The following OSBPL6 variants were observed in gnomAD, a reference collection of about 807,000 sequenced individuals.
OSBPL6 encodes the protein oxysterol binding protein like 6.
OSBPL6 carries 49 observed loss-of-function variants against 125.8 expected under a neutral mutation model. That is an observed-to-expected ratio of 0.39 (90% CI 0.31 to 0.49). OSBPL6 has a LOEUF of 0.49. Among genes scored for constraint, OSBPL6 ranks in the 20% least tolerant of loss-of-function variants. OSBPL6 has a pLI of 0.88. For missense variants in OSBPL6, 986 were observed against 1,135.4 expected, an observed-to-expected ratio of 0.87 and a Z score of 1.89; for synonymous variants, 394 against 391.8, an observed-to-expected ratio of 1.01 and a Z score of -0.07.
chr2:178,225,731 A>T (rs1331700976), intron 1 of OSBPL6, among the ~76,000 whole-genome samples: 1 of 152,224 alleles, frequency 6.6e-6, no homozygotes, highest in Non-Finnish European at 1.5e-5. Flanking sequence ...GCAGGCAAAG[A>T]AAGAGCTTGT....
intron 11 of OSBPL6, among the ~76,000 whole-genome samples, chr2:178,348,994 CTG>C (rs1222323672): frequency 6.6e-6 from 1 of 152,188 alleles, no homozygotes; most frequent in African/African-American, 2.4e-5. Flanking sequence ...TTATTTCTCT[CTG>C]TAGCAGTGAA....
chr2:178,228,331 C>T (rs186505427), intron 1 of OSBPL6, among the ~76,000 whole-genome samples: 43 of 152,244 alleles, frequency 2.8e-4, no homozygotes, highest in East Asian at 7.7e-4. Flanking sequence ...GTCAGGAGAT[C>T]GAGACCATCC....
intron 2 of OSBPL6, among the ~76,000 whole-genome samples, chr2:178,301,266 A>G (rs1254848475): frequency 2.6e-5 from 4 of 152,178 alleles, no homozygotes; most frequent in Admixed American, 6.5e-5. Context: ...CTAAATGTAT[A>G]ACTATTACAG....
chr2:178,387,197 G>A lies in OSBPL6; in HGVS notation c.2156+58G>A, dbSNP rs185431181. 86 of 1,342,720 alleles carry A rather than the reference G, an allele frequency of 6.4e-5. No homozygotes were observed. In the African/African-American group the frequency reaches 1.1e-3, roughly 18 times the overall value. 83.2% of individuals were successfully genotyped at this position (1,342,720 alleles called of 1,614,324 possible). A position where few individuals can be genotyped will look rare whatever the true frequency, so the allele number is the denominator to read the frequency against. On this transcript the variant is annotated intron_variant, in intron 20 of 24. Transcript: ENST00000190611. ...GTCTGCTTTTCTAAATCATAAATGG[G>A]TATTTTAAACTCTAGAAGATGGTAA...
At chr2:178,233,826 G>A (rs1261416328) in intron 1 of OSBPL6, among the ~76,000 whole-genome samples, 1 of 152,156 alleles carries the variant, frequency 6.6e-6, no homozygotes, top group Non-Finnish European at 1.5e-5. Context: ...AGGATGATGA[G>A]CTTAGCACAG....
intron 2 of OSBPL6, among the ~76,000 whole-genome samples, chr2:178,288,423 C>A (rs2154040061): frequency 1.3e-5 from 2 of 152,290 alleles, no homozygotes; most frequent in South Asian, 4.1e-4. Context: ...CAGCTCTCGC[C>A]TGTGCATTCA....
chr2:178,271,211 A>G (rs899870693), intron 1 of OSBPL6, among the ~76,000 whole-genome samples: 3 of 152,174 alleles, frequency 2.0e-5, no homozygotes, highest in Non-Finnish European at 2.9e-5. Context: ...TTTAAAATTT[A>G]TTTCAATTTT....
rs573042148 is a variant in OSBPL6, at chr2:178,274,250, A to G, written c.-350-10677A>G. Among the ~76,000 whole-genome samples, 3 of 151,874 alleles carry G rather than the reference A, an allele frequency of 2.0e-5. No homozygotes were observed. The East Asian group carries it at 5.8e-4, about 29-fold the overall frequency. On this transcript the variant is annotated intron_variant, in intron 1 of 24. Coordinates refer to ENST00000190611, the MANE Select transcript of OSBPL6 (RefSeq NM_032523.4). Reference sequence around the variant, plus strand: ...AGTGAAGAGGGCCATCTTTGTTAGTATTCTCTGGCTAACTAACTCAGTTGA... The same window carrying G: ...AGTGAAGAGGGCCATCTTTGTTAGTGTTCTCTGGCTAACTAACTCAGTTGA...
chr2:178,375,665 C>T (rs1341617657), intron 15 of OSBPL6, among the ~76,000 whole-genome samples: 3 of 152,136 alleles, frequency 2.0e-5, no homozygotes, highest in African/African-American at 4.8e-5. Flanking sequence ...TCAGGTGATC[C>T]GCCTGCCTCA....
intron 1 of OSBPL6, among the ~76,000 whole-genome samples, chr2:178,224,991 CTCTCTCTCTCTT>C (rs1348131597): frequency 5.1e-5 from 4 of 77,832 alleles, no homozygotes; most frequent in Admixed American, 1.8e-4. Context: ...CTCTCTGCTT[CTCTCTCTCTCTT>C]TCTCTCTCTC....
At chr2:178,229,215 G>C (rs1299272009) in intron 1 of OSBPL6, among the ~76,000 whole-genome samples, 1 of 152,018 alleles carries the variant, frequency 6.6e-6, no homozygotes, top group Admixed American at 6.6e-5. Context: ...CCTCTTACAG[G>C]CCCCACCTCC....
At chr2:178,296,806 C>T (rs913555520) in intron 2 of OSBPL6, among the ~76,000 whole-genome samples, 1 of 152,186 alleles carries the variant, frequency 6.6e-6, no homozygotes, top group Non-Finnish European at 1.5e-5. Context: ...TCGGTTATGT[C>T]AGCTGTTCCT....
At chr2:178,369,513 A>G (rs1189933509) in intron 13 of OSBPL6, among the ~76,000 whole-genome samples, 1 of 152,240 alleles carries the variant, frequency 6.6e-6, no homozygotes, top group African/African-American at 2.4e-5. Flanking sequence ...AACCCCAGAA[A>G]GGTTAAGTAA....
At chr2:178,212,040 T>C (rs2089885744) in intron 1 of OSBPL6, among the ~76,000 whole-genome samples, 1 of 152,182 alleles carries the variant, frequency 6.6e-6, no homozygotes, top group Admixed American at 6.5e-5. Context: ...AGAAAAAATG[T>C]CATCATCAAA....
At chr2:178,280,424 A>G (rs1021175909) in intron 1 of OSBPL6, among the ~76,000 whole-genome samples, 8 of 152,158 alleles carry the variant, frequency 5.3e-5, no homozygotes, top group Non-Finnish European at 1.2e-4. Flanking sequence ...ACCATGTGTT[A>G]ATAGTGTGGT....
chr2:178,335,887 T>C (rs2154079559), intron 8 of OSBPL6, among the ~76,000 whole-genome samples: 1 of 152,312 alleles, frequency 6.6e-6, no homozygotes, highest in East Asian at 1.9e-4. Flanking sequence ...TATTTAGGAA[T>C]CACATGTGGT....
At position 178,246,852 on chromosome 2, in the gene OSBPL6, G is replaced by A. The variant is rs376880995; in HGVS notation, c.-350-38075G>A. 6.8e-4 allele frequency among the ~76,000 whole-genome samples: 103 copies of A among 152,208 alleles called. 1 individual carries two copies. The highest frequency in any genetic ancestry group is 2.4e-3 in the African/African-American group (100 of 41,532). On this transcript the variant is annotated intron_variant, in intron 1 of 24. Transcript: ENST00000190611. Reference sequence around the variant, plus strand: ...GATTCTATCACTGTCCTGATTAAAGGCCCCTGACTCTGCACTTGCCTTCGT... The same window carrying A: ...GATTCTATCACTGTCCTGATTAAAGACCCCTGACTCTGCACTTGCCTTCGT...
chr2:178,360,531 CTTA>C (rs1692256132), intron 12 of OSBPL6, among the ~76,000 whole-genome samples: 1 of 152,064 alleles, frequency 6.6e-6, no homozygotes, highest in Admixed American at 6.6e-5. Flanking sequence ...TTATATGTAT[CTTA>C]TAACATCATA....
intron 2 of OSBPL6, among the ~76,000 whole-genome samples, chr2:178,294,998 T>G (rs1474464378): frequency 6.6e-6 from 1 of 152,046 alleles, no homozygotes; most frequent in Non-Finnish European, 1.5e-5. Flanking sequence ...ATCCTTCAGG[T>G]GGATCTTAGC....
Sources: gnomAD v4.1 joint callset for allele counts (sites outside exome capture counted in the v4.1 genomes callset) on GRCh38, gnomAD v4.1.1 for gene constraint, MANE v1.5 for transcripts, NCBI Gene and HGNC (gene_info 2026-07-23, HGNC 2026-07-21) for gene names.